Variants in ITPR2 observed in about 807,000 individuals in gnomAD.
The protein encoded by ITPR2 is inositol 1,4,5-trisphosphate-gated calcium channel ITPR2.
Under a neutral mutation model 317.1 loss-of-function variants are expected in ITPR2, and 207 were observed. That is an observed-to-expected ratio of 0.65 (90% confidence interval 0.58 to 0.73). The LOEUF is 0.73. Among genes scored for constraint, ITPR2 ranks in the 30% least tolerant of loss-of-function variants. The pLI is 0.00. For missense variants in ITPR2, 2,613 were observed against 3,284.0 expected, an observed-to-expected ratio of 0.80 and a Z score of 4.99; for synonymous variants, 1,156 against 1,149.1, an observed-to-expected ratio of 1.01 and a Z score of -0.12.
chr12:26,526,677 T>G (rs1389450199), intron 37 of ITPR2, among the ~76,000 whole-genome samples: 1 of 150,876 alleles, frequency 6.6e-6, no homozygotes, highest in African/African-American at 2.4e-5. Flanking sequence ...GGGAGAAGAG[T>G]TAGGAGGTCA....
In ITPR2 at chr12:26,381,606, A is replaced by G. The variant is rs556108980; in HGVS notation, c.7857+5828T>C. 2.6e-5 allele frequency among the ~76,000 whole-genome samples: 4 copies of G among 152,358 alleles called. No individual in the cohort carries two copies. The East Asian group carries it at 7.7e-4, about 29-fold the overall frequency. On this transcript the variant is annotated intron_variant, in intron 55 of 56. Coordinates refer to ENST00000381340, the MANE Select transcript of ITPR2 (RefSeq NM_002223.4). ...AACTTATATTTTAGTTACGACAGAC[A>G]ATTATTATGTTAACAAAAACATGAG...
At chr12:26,552,018 C>T (rs1271388450) in intron 36 of ITPR2, among the ~76,000 whole-genome samples, 1 of 152,076 alleles carries the variant, frequency 6.6e-6, no homozygotes, top group Non-Finnish European at 1.5e-5. Flanking sequence ...GCAGAGGAGA[C>T]GGAGCAAGGC....
chr12:26,420,341 T>A (rs1940851781), intron 49 of ITPR2, among the ~76,000 whole-genome samples: 1 of 152,196 alleles, frequency 6.6e-6, no homozygotes, highest in Non-Finnish European at 1.5e-5. Flanking sequence ...TAAAAACAGG[T>A]TGCTCTTTGC....
chr12:26,679,154 C>T (rs187000129), intron 13 of ITPR2, among the ~76,000 whole-genome samples: 111 of 152,310 alleles, frequency 7.3e-4, no homozygotes, highest in African/African-American at 2.3e-3. Context: ...CCAGTTGTTT[C>T]TGCTTCCGGC....
chr12:26,504,262 T>C (rs1943136814), intron 37 of ITPR2, among the ~76,000 whole-genome samples: 1 of 152,208 alleles, frequency 6.6e-6, no homozygotes, highest in African/African-American at 2.4e-5. Flanking sequence ...TGTTCATTAG[T>C]GGAAAGGCTG....
chr12:26,671,614 A>G (rs1367729645), intron 13 of ITPR2, among the ~76,000 whole-genome samples: 2 of 152,250 alleles, frequency 1.3e-5, no homozygotes, highest in Non-Finnish European at 2.9e-5. Flanking sequence ...TGTAAAGACC[A>G]TCGAGACTAG....
In ITPR2 at chr12:26,665,988, T is replaced by C; in HGVS notation, c.1473A>G (p.Gln491=). The C allele has an allele frequency of 6.2e-7, 1 of 1,613,568 alleles. No homozygotes were observed. Among genetic ancestry groups the C allele is most frequent in the Non-Finnish European group, 8.5e-7 (1 of 1,179,492 alleles). Residue 491 remains glutamine, a synonymous_variant, in exon 14 of 57, where the codon CAA becomes CAG. Transcript: ENST00000381340. ...TAGTGATAACCACATCCAGAACTTC[T>C]TGTCCATTATTAGGCACATCAGCAA... ...FFVADVPNNG[Q]EVLDVVITKP...
chr12:26,398,012 C>T (rs1173377146), intron 54 of ITPR2, among the ~76,000 whole-genome samples: 1 of 145,676 alleles, frequency 6.9e-6, no homozygotes, highest in South Asian at 2.2e-4. Flanking sequence ...AAGGAGAAGG[C>T]TGTGTGCACT....
intron 37 of ITPR2, among the ~76,000 whole-genome samples, chr12:26,538,912 C>T (rs1944179758): frequency 6.6e-6 from 1 of 152,126 alleles, no homozygotes; most frequent in Non-Finnish European, 1.5e-5. Flanking sequence ...ACCTACTGTG[C>T]CTTTCTTTTT....
chr12:26,392,836 A>G (rs1939888838), intron 54 of ITPR2, among the ~76,000 whole-genome samples: 1 of 152,210 alleles, frequency 6.6e-6, no homozygotes, highest in Non-Finnish European at 1.5e-5. Flanking sequence ...ATTCTGACCT[A>G]TCATCAAATC....
At chr12:26,787,317 AG>A (rs1237440942) in intron 2 of ITPR2, among the ~76,000 whole-genome samples, 2 of 152,224 alleles carry the variant, frequency 1.3e-5, no homozygotes. Flanking sequence ...CTAAAACTGG[AG>A]GTAGAAAATG....
intron 37 of ITPR2, among the ~76,000 whole-genome samples, chr12:26,530,088 A>C (rs1357662689): frequency 1.3e-5 from 2 of 152,226 alleles, no homozygotes; most frequent in Non-Finnish European, 2.9e-5. Context: ...AGAGAGAAGG[A>C]GATCAGAGAA....
chr12:26,617,757 A>T (rs1394709378), intron 26 of ITPR2, among the ~76,000 whole-genome samples: 1 of 132,078 alleles, frequency 7.6e-6, no homozygotes, highest in East Asian at 2.4e-4. Flanking sequence ...GGACAGAAGG[A>T]GGGAGGGAGG....
At chr12:26,434,292 G>T (rs1328826177) in intron 48 of ITPR2, among the ~76,000 whole-genome samples, 2 of 152,172 alleles carry the variant, frequency 1.3e-5, no homozygotes, top group Non-Finnish European at 2.9e-5. Flanking sequence ...TTGTCAGGAA[G>T]ATTAAGTGAA....
intron 55 of ITPR2, among the ~76,000 whole-genome samples, chr12:26,376,959 C>T (rs1050060893): frequency 6.6e-6 from 1 of 152,096 alleles, no homozygotes; most frequent in Non-Finnish European, 1.5e-5. Flanking sequence ...CAACTCCTGA[C>T]CTCAGGTGAT....
At position 26,428,074 on chromosome 12, in the gene ITPR2, A is replaced by G. The variant is rs748980403; in HGVS notation, c.6784T>C (p.Leu2262=). Residue 2262 remains leucine (L), a synonymous_variant, in exon 49 of 57, where the codon TTG becomes CTG. Transcript: ENST00000381340. ...DDGDEGTLSP[L]FSVLLWIAVA... is the part of the protein sequence containing the mutation. ...GCTATCCAAAGAAGAACCGAGAACA[A>G]TGGAGAAAGTGTACCTGTAAAATGT... The G allele has an allele frequency of 3.7e-6, 6 of 1,600,194 alleles. No individual in the cohort carries two copies. The South Asian group carries it at 6.8e-5, about 18-fold the overall frequency.
At chr12:26,614,588 T>C (rs1946335673) in intron 26 of ITPR2, among the ~76,000 whole-genome samples, 1 of 152,166 alleles carries the variant, frequency 6.6e-6, no homozygotes, top group Non-Finnish European at 1.5e-5. Flanking sequence ...AATAGGTGAA[T>C]GGATAAACAA....
At chr12:26,782,006 ATATATATATATATATATATATATATATG>A (rs558175118) in intron 2 of ITPR2, among the ~76,000 whole-genome samples, 2,343 of 30,304 alleles carry the variant, frequency 0.077, 68 homozygotes, top group Non-Finnish European at 0.1. Flanking sequence ...ATATATATAT[ATATATATATATATATATATATATATATG>A]TATAGAGAGA....
intron 2 of ITPR2, among the ~76,000 whole-genome samples, chr12:26,777,751 C>T (rs1950001376): frequency 6.6e-6 from 1 of 152,122 alleles, no homozygotes; most frequent in African/African-American, 2.4e-5. Context: ...AGTTTACAGA[C>T]CTAGAACCAC....
Sources: gnomAD v4.1 joint callset for allele counts (sites outside exome capture counted in the v4.1 genomes callset) on GRCh38, gnomAD v4.1.1 for gene constraint, MANE v1.5 for transcripts, NCBI Gene and HGNC (gene_info 2026-07-23, HGNC 2026-07-21) for gene names.